SHROOM3: variants seen among roughly 807,000 people sequenced by gnomAD.
The protein encoded by SHROOM3 is protein Shroom3.
In SHROOM3, 47 loss-of-function variants were observed where a neutral mutation model predicts 138.6. The observed-to-expected ratio is 0.34, with a 90% CI of 0.27 to 0.43. The LOEUF (loss-of-function observed/expected upper bound fraction) is 0.43. SHROOM3 is among the 20% of genes least tolerant of loss of function. SHROOM3 has a pLI of 1.00. For missense variants in SHROOM3, 2,491 were observed against 2,596.5 expected, an observed-to-expected ratio of 0.96 and a Z score of 0.88; for synonymous variants, 1,062 against 1,063.3, an observed-to-expected ratio of 1.00 and a Z score of 0.02.
intron 2 of SHROOM3, chr4:76,688,587 G>A: frequency 2.0e-6 from 2 of 985,338 alleles, no homozygotes; most frequent in Non-Finnish European, 2.4e-6. Context: ...AGGACTCTGA[G>A]GGGAAAAAAT....
Position 76,522,929 on chromosome 4 carries a change from G to A in SHROOM3, c.169-32680G>A, listed in dbSNP as rs1478172162. On this transcript the variant is annotated intron_variant, in intron 1 of 10. Coordinates refer to ENST00000296043, the MANE Select transcript of SHROOM3 (RefSeq NM_020859.4). The stretch of plus-strand genomic sequence containing the variant: ...ATGTCTATATGAGCATCTATATTGT[G>A]TGTCTATTATATCTCACTACATATG... Among the ~76,000 whole-genome samples the A allele has an allele frequency of 2.6e-5, 4 of 152,214 alleles. No individual in the cohort carries two copies. In the East Asian group the frequency reaches 7.7e-4, roughly 29 times the overall value.
chr4:76,626,083 C>T (rs1735132742), intron 2 of SHROOM3, among the ~76,000 whole-genome samples: 1 of 152,198 alleles, frequency 6.6e-6, no homozygotes, highest in African/African-American at 2.4e-5. Context: ...CAGGAGGCAG[C>T]TCTTTATAGC....
intron 1 of SHROOM3, among the ~76,000 whole-genome samples, chr4:76,552,179 T>C (rs1426738346): frequency 6.6e-6 from 1 of 150,474 alleles, no homozygotes; most frequent in African/African-American, 2.4e-5. Flanking sequence ...TTAATTGTTA[T>C]TTATAAAATA....
intron 1 of SHROOM3, among the ~76,000 whole-genome samples, chr4:76,519,775 A>G (rs1425232198): frequency 1.3e-5 from 2 of 152,196 alleles, no homozygotes; most frequent in African/African-American, 4.8e-5. Flanking sequence ...GGCTTTTTGT[A>G]TGTGCATCTG....
At chr4:76,756,971 C>T (rs756139784) in intron 8 of SHROOM3, 34 bp downstream of exon 8, 1 of 1,613,234 alleles carries the variant, frequency 6.2e-7, no homozygotes, top group East Asian at 2.2e-5. Flanking sequence ...GAGAGACTTA[C>T]AATCACACTC....
chr4:76,695,899 C>T (rs1467896349), intron 2 of SHROOM3, among the ~76,000 whole-genome samples: 3 of 152,222 alleles, frequency 2.0e-5, no homozygotes, highest in Non-Finnish European at 4.4e-5. Context: ...AGCCCCTCAG[C>T]ATGCAGAGAC....
rs1269253051 is a variant in SHROOM3, at chr4:76,741,606, C to T, written c.3433C>T (p.Pro1145Ser). 1.9e-6 allele frequency: 3 copies of T among 1,539,768 alleles called. No individual in the cohort carries two copies. The African/African-American group carries it at 4.1e-5, about 21-fold the overall frequency. Residue 1145 changes from proline to serine, a missense_variant, in exon 5 of 11, where the codon CCC becomes TCC. Physicochemically the swap from Pro to Ser is moderately conservative, Grantham distance 74 (BLOSUM62 -1). Transcript: ENST00000296043. The surrounding 1 kb of genome is among the most constrained non-coding windows in gnomAD (Gnocchi z 6.2). ...SASSLSSLRE[P>S]SLQPRREATL... ...CTCCAGCTTGAGCTCACTGCGGGAG[C>T]CCAGCCTGCAGCCCCGCAGGGAGGC... is the stretch of plus-strand genomic sequence containing the variant.
chr4:76,748,919 A>G (rs1721536454), intron 5 of SHROOM3, 98 bp from the exon 6 acceptor site: 6 of 1,144,902 alleles, frequency 5.2e-6, no homozygotes, highest in African/African-American at 1.5e-5. Context: ...GTAGGTTGCC[A>G]GTAAATAGGT....
chr4:76,543,462 C>T (rs1733148911), intron 1 of SHROOM3, among the ~76,000 whole-genome samples: 1 of 152,136 alleles, frequency 6.6e-6, no homozygotes, highest in Non-Finnish European at 1.5e-5. Context: ...TTGTTTCATC[C>T]TATCACTGGT....
intron 1 of SHROOM3, among the ~76,000 whole-genome samples, chr4:76,499,697 G>A (rs976634205): frequency 1.3e-5 from 2 of 152,142 alleles, no homozygotes. Flanking sequence ...TGGGTCTCTG[G>A]GTGCACAGAA....
rs532191929 is a variant in SHROOM3 at position 76,705,197 on chromosome 4, TG to T, written c.324-4957del. On this transcript the variant is annotated intron_variant, in intron 2 of 10. Coordinates refer to ENST00000296043, the MANE Select transcript of SHROOM3 (RefSeq NM_020859.4). Reference sequence around the variant, plus strand: ...ATTAAAATACCAAATAGGTTGGGCATGGTAACTCATGCCTGTAATCCCAACA... The same window carrying T: ...ATTAAAATACCAAATAGGTTGGGCATGTAACTCATGCCTGTAATCCCAACA... Among the ~76,000 whole-genome samples the T allele has an allele frequency of 2.8e-3, 432 of 152,240 alleles. 3 individuals are homozygous for T. The highest frequency in any genetic ancestry group is 4.5e-3 in the Non-Finnish European group (308 of 68,010).
intron 2 of SHROOM3, among the ~76,000 whole-genome samples, chr4:76,635,497 G>A (rs1346666032): frequency 6.6e-6 from 1 of 152,158 alleles, no homozygotes. Context: ...TATTAAATAA[G>A]TACAGCCTGA....
intron 2 of SHROOM3, among the ~76,000 whole-genome samples, chr4:76,556,312 C>A (rs1021502871): frequency 1.3e-5 from 2 of 152,156 alleles, no homozygotes; most frequent in Non-Finnish European, 2.9e-5. Context: ...GGGAACCAAC[C>A]CTTCGTGGAG....
intron 2 of SHROOM3, among the ~76,000 whole-genome samples, chr4:76,660,827 C>G (rs1208254172): frequency 6.6e-6 from 1 of 151,412 alleles, no homozygotes; most frequent in Non-Finnish European, 1.5e-5. Context: ...TTTTGAGACA[C>G]AGTCTCACTC....
intron 3 of SHROOM3, among the ~76,000 whole-genome samples, chr4:76,727,421 C>A (rs1200026471): frequency 6.6e-6 from 1 of 152,122 alleles, no homozygotes; most frequent in East Asian, 1.9e-4. Flanking sequence ...AGGTGATAAA[C>A]CAGGAATCTA....
chr4:76,762,160 T>A (rs1352080785), intron 9 of SHROOM3, among the ~76,000 whole-genome samples: 2 of 152,200 alleles, frequency 1.3e-5, no homozygotes, highest in African/African-American at 2.4e-5. Context: ...TGACCCTTTT[T>A]TCTTAATAAA....
intron 1 of SHROOM3, among the ~76,000 whole-genome samples, chr4:76,543,971 A>G (rs1464138950): frequency 6.6e-6 from 1 of 152,202 alleles, no homozygotes; most frequent in Non-Finnish European, 1.5e-5. Context: ...CTTATTAGCC[A>G]CTAGTGCCCT....
At chr4:76,506,196 G>C (rs1424867202) in intron 1 of SHROOM3, among the ~76,000 whole-genome samples, 1 of 152,036 alleles carries the variant, frequency 6.6e-6, no homozygotes, top group South Asian at 2.1e-4. Context: ...GACACGGGTT[G>C]GGGGGAGGGC....
At chr4:76,606,867 G>A (rs1354458618) in intron 2 of SHROOM3, among the ~76,000 whole-genome samples, 1 of 152,122 alleles carries the variant, frequency 6.6e-6, no homozygotes, top group Non-Finnish European at 1.5e-5. Flanking sequence ...AAATGCTGTA[G>A]CAGCTTGTAG....
Sources: allele counts gnomAD v4.1 joint callset (sites outside exome capture counted in the v4.1 genomes callset), GRCh38; gene constraint gnomAD v4.1.1; non-coding constraint Gnocchi (gnomAD v3.1); transcripts MANE v1.5; gene names NCBI Gene and HGNC (gene_info 2026-07-23, HGNC 2026-07-21).